Variants in CDKL4 observed in about 807,000 individuals in gnomAD.
CDKL4 encodes cyclin-dependent kinase-like 4.
Under a neutral mutation model 42.0 loss-of-function variants are expected in CDKL4, and 44 were observed. The ratio of observed to expected loss-of-function variants is 1.05; its 90% CI spans 0.82 to 1.35. The LOEUF is 1.35. Among genes scored for constraint, CDKL4 ranks in the 40% most tolerant of loss-of-function variants. The pLI is 0.00. For synonymous variants in CDKL4, 120 were observed against 121.6 expected, an observed-to-expected ratio of 0.99 and a Z score of 0.09; for missense variants, 393 against 369.9, an observed-to-expected ratio of 1.06 and a Z score of -0.51.
intron 5 of CDKL4, among the ~76,000 whole-genome samples, chr2:39,199,421 A>T (rs866934294): frequency 0.013 from 2,011 of 152,234 alleles, 27 homozygotes; most frequent in African/African-American, 0.046. Flanking sequence ...TCAAAGAAAA[A>T]TTGGTACTAA....
At position 39,213,383 on chromosome 2, in the gene CDKL4, T is replaced by C; in HGVS notation, c.363+17A>G. ...ATCATGAAGAAATGAATAAATACAT[T>C]AGAAAATGTTACTTACGTTATGTAT... On this transcript the variant is annotated intron_variant, in intron 4 of 9. Transcript: ENST00000451199. 6.8e-7 allele frequency: 1 copy of C among 1,465,008 alleles called. No individual in the cohort carries two copies. The allele number at this position is 1,465,008 out of a possible 1,614,324, so 90.8% of individuals were successfully genotyped here. A position where few individuals can be genotyped will look rare whatever the true frequency, so the allele number is the denominator to read the frequency against.
At chr2:39,240,417 T>C (rs1410548488) in intron 1 of CDKL4, among the ~76,000 whole-genome samples, 1 of 138,768 alleles carries the variant, frequency 7.2e-6, no homozygotes, top group Admixed American at 7.2e-5. Flanking sequence ...CGAGACTTCG[T>C]CTCAAAAAAA....
At chr2:39,168,181 G>T in the CDKL4 span, among the ~76,000 whole-genome samples, 1 of 151,862 alleles carries the variant, frequency 6.6e-6, no homozygotes, top group Non-Finnish European at 1.5e-5. Flanking sequence ...TTTAAATTAC[G>T]ATTAGGCTAA....
chr2:39,231,866 A>G (rs1367569109), intron 1 of CDKL4, among the ~76,000 whole-genome samples: 1 of 152,170 alleles, frequency 6.6e-6, no homozygotes, highest in African/African-American at 2.4e-5. Flanking sequence ...ACAGTGAACT[A>G]TGATTGTACC....
chr2:39,213,526 G>T, intron 3 of CDKL4, 54 bp from the exon 4 acceptor site: 1 of 1,239,216 alleles, frequency 8.1e-7, no homozygotes, highest in Non-Finnish European at 1.2e-6. Context: ...AGTTCCAGAA[G>T]CAAGGGCTGG....
At chr2:39,207,825 G>T (rs540420742) in intron 4 of CDKL4, among the ~76,000 whole-genome samples, 2 of 152,274 alleles carry the variant, frequency 1.3e-5, no homozygotes, top group African/African-American at 4.8e-5. Context: ...AACCTGGCTG[G>T]GCGTGGTGGC....
At chr2:39,176,552 G>A (rs1443345658) in intron 9 of CDKL4, among the ~76,000 whole-genome samples, 1 of 152,128 alleles carries the variant, frequency 6.6e-6, no homozygotes, top group East Asian at 1.9e-4. Context: ...TTGTGCCTCA[G>A]CCTCCCAAGT....
At chr2:39,209,438 C>T (rs1300171514) in intron 4 of CDKL4, among the ~76,000 whole-genome samples, 1 of 152,084 alleles carries the variant, frequency 6.6e-6, no homozygotes, top group East Asian at 1.9e-4. Context: ...CTTTGGTTAC[C>T]TCACTCTAGT....
chr2:39,169,223 GAT>G, the CDKL4 span, among the ~76,000 whole-genome samples: 1 of 152,134 alleles, frequency 6.6e-6, no homozygotes, highest in Non-Finnish European at 1.5e-5. Flanking sequence ...ATCAAATAAT[GAT>G]TACATATTAC....
intron 5 of CDKL4, among the ~76,000 whole-genome samples, chr2:39,201,025 C>A (rs1434843229): frequency 6.6e-6 from 1 of 152,108 alleles, no homozygotes; most frequent in Non-Finnish European, 1.5e-5. Flanking sequence ...GCAGAGTAAA[C>A]AGACAACCCA....
chr2:39,246,890 G>A (rs556078640), upstream of CDKL4, among the ~76,000 whole-genome samples: 30 of 152,214 alleles, frequency 2.0e-4, no homozygotes, highest in Admixed American at 1.9e-3. Flanking sequence ...TGGGACTATA[G>A]GCATGTGCCA....
chr2:39,215,107 A>G (rs529080451), intron 3 of CDKL4, among the ~76,000 whole-genome samples: 3 of 152,248 alleles, frequency 2.0e-5, no homozygotes, highest in Middle Eastern at 3.4e-3. Context: ...ACTCCCACCA[A>G]ACATCTGTGC....
upstream of CDKL4, among the ~76,000 whole-genome samples, chr2:39,244,164 C>A (rs1679806424): frequency 6.6e-6 from 1 of 152,266 alleles, no homozygotes; most frequent in Non-Finnish European, 1.5e-5. Flanking sequence ...CCTGGGCTCC[C>A]ACTTTGGCGG....
exon 10 of CDKL4, chr2:39,175,886 C>G: frequency 2.6e-6 from 1 of 379,520 alleles, no homozygotes; most frequent in South Asian, 2.1e-5. Context: ...TTCTAGAAGG[C>G]ATCTTAATTT....
At position 39,233,651 on chromosome 2, in the gene CDKL4, C is replaced by T. The variant is rs146668564; in HGVS notation, c.-56-4063G>A. ...GCCCAAGAAATGAAACAAGGGAAAG[C>T]CGTCCCCATACATGCTATTATTGTC... On this transcript the variant is annotated intron_variant, in intron 1 of 9. Coordinates refer to ENST00000451199, the Ensembl canonical transcript of CDKL4. 2.8e-4 allele frequency among the ~76,000 whole-genome samples: 42 copies of T among 151,990 alleles called. No individual in the cohort carries two copies. In the East Asian group the frequency reaches 7.5e-3, roughly 27 times the overall value.
upstream of CDKL4, among the ~76,000 whole-genome samples, chr2:39,244,753 A>T (rs571813740): frequency 6.6e-6 from 1 of 152,328 alleles, no homozygotes; most frequent in African/African-American, 2.4e-5. Context: ...TCTGGTGGGG[A>T]CGTGGAGAAC....
chr2:39,211,646 C>T (rs928060805), intron 4 of CDKL4, among the ~76,000 whole-genome samples: 5 of 151,878 alleles, frequency 3.3e-5, no homozygotes, highest in African/African-American at 1.2e-4. Flanking sequence ...CTTTTCCATA[C>T]AATTCCAATT....
chr2:39,240,330 G>T (rs962556508), intron 1 of CDKL4, among the ~76,000 whole-genome samples: 15 of 150,832 alleles, frequency 9.9e-5, no homozygotes, highest in African/African-American at 3.4e-4. Flanking sequence ...GGAGGCAGGA[G>T]AATTGCTTGA....
chr2:39,228,564 A>C (rs960405875), intron 2 of CDKL4, among the ~76,000 whole-genome samples: 8 of 152,202 alleles, frequency 5.3e-5, no homozygotes, highest in African/African-American at 1.9e-4. Context: ...CATAATGTGT[A>C]GCCCACAAAC....
Sources: allele counts gnomAD v4.1 joint callset (sites outside exome capture counted in the v4.1 genomes callset), GRCh38; gene constraint gnomAD v4.1.1; transcripts MANE v1.5; gene names NCBI Gene and HGNC (gene_info 2026-07-23, HGNC 2026-07-21).